The following SGCG variants were observed in gnomAD, a reference collection of about 807,000 sequenced individuals.
SGCG encodes gamma-sarcoglycan.
A neutral mutation model predicts 29.3 loss-of-function variants in SGCG; 26 were observed. The ratio of observed to expected loss-of-function variants is 0.89; its 90% CI spans 0.65 to 1.23. SGCG has a LOEUF of 1.23. SGCG is among the 50% of genes most tolerant of loss of function. The probability of loss-of-function intolerance (pLI) is 0.00; values close to 1 mark genes in which losing one functional copy is unlikely to be tolerated. For synonymous variants in SGCG, 145 were observed against 129.7 expected (o/e 1.12, Z -0.80); for missense variants, 353 against 356.0 (o/e 0.99, Z 0.07).
At chr13:23,275,146 A>ATATATCTATATATATATATAT (rs1881024464) in intron 4 of SGCG, among the ~76,000 whole-genome samples, 1 of 68,684 alleles carries the variant, frequency 1.5e-5, no homozygotes, top group Non-Finnish European at 3.7e-5. Flanking sequence ...TATATATAGA[A>ATATATCTATATATATATATAT]ATGAGGACGT....
At chr13:23,258,807 T>C (rs1880305687) in intron 4 of SGCG, among the ~76,000 whole-genome samples, 1 of 152,228 alleles carries the variant, frequency 6.6e-6, no homozygotes, top group Non-Finnish European at 1.5e-5. Context: ...GAGATAATCA[T>C]GTGGTTTTTG....
intron 5 of SGCG, among the ~76,000 whole-genome samples, chr13:23,288,054 A>AT (rs1881566053): frequency 6.6e-6 from 1 of 152,172 alleles, no homozygotes; most frequent in Admixed American, 6.5e-5. Flanking sequence ...CGCCCAGCCA[A>AT]TAAGAATGTT....
intron 2 of SGCG, among the ~76,000 whole-genome samples, chr13:23,232,370 G>A (rs572192805): frequency 3.9e-5 from 6 of 152,286 alleles, no homozygotes; most frequent in South Asian, 4.1e-4. Flanking sequence ...TCAGTTCAGG[G>A]TAACATATCT....
intron 1 of SGCG, among the ~76,000 whole-genome samples, chr13:23,190,291 G>A (rs1200365559): frequency 1.3e-5 from 2 of 152,106 alleles, no homozygotes; most frequent in African/African-American, 2.4e-5. Context: ...AGTAACGTCT[G>A]TAGTAGTAAT....
chr13:23,230,079 G>A (rs1003952355), intron 2 of SGCG, among the ~76,000 whole-genome samples: 5 of 152,162 alleles, frequency 3.3e-5, no homozygotes, highest in African/African-American at 1.2e-4. Flanking sequence ...CTTTGTCAAA[G>A]ATCAGATGGC....
chr13:23,274,384 T>C (rs1379594638), intron 4 of SGCG, among the ~76,000 whole-genome samples: 2 of 143,584 alleles, frequency 1.4e-5, no homozygotes, highest in Admixed American at 7.2e-5. Flanking sequence ...TGTTTTTCTT[T>C]CTTTCTTTCT....
At chr13:23,181,176 A>G (rs1384253884) in intron 1 of SGCG, 101 bp downstream of exon 1, 2 of 152,228 alleles carry the variant, frequency 1.3e-5, no homozygotes, top group African/African-American at 4.8e-5. Flanking sequence ...CTTTGGTGGC[A>G]TAATAATAAA....
chr13:23,162,389 C>T, the SGCG span, among the ~76,000 whole-genome samples: 1 of 152,088 alleles, frequency 6.6e-6, no homozygotes. Flanking sequence ...CCGAGGTGGG[C>T]GGATCACGAG....
At position 23,324,709 on chromosome 13, in the gene SGCG, A is replaced by G. The variant is rs892267023; in HGVS notation, c.*168A>G. On this transcript the variant is annotated 3_prime_UTR_variant, in exon 8 of 8. Coordinates refer to ENST00000218867, the MANE Select transcript of SGCG (RefSeq NM_000231.3). The stretch of plus-strand genomic sequence containing the variant: ...GTGAAAGTGTTTGGACAAAAACTAC[A>G]TGATCTCAAAATGCACGTGGATGTG... 12 of 658,670 alleles carry G rather than the reference A, an allele frequency of 1.8e-5. No individual in the cohort carries two copies. The highest frequency in any genetic ancestry group is 2.4e-5 in the Non-Finnish European group (9 of 368,350). 40.8% of individuals were successfully genotyped at this position (658,670 alleles called of 1,614,324 possible). A position where few individuals can be genotyped will look rare whatever the true frequency, so the allele number is the denominator to read the frequency against.
At chr13:23,277,803 A>G (rs1231106121) in intron 4 of SGCG, among the ~76,000 whole-genome samples, 11 of 145,030 alleles carry the variant, frequency 7.6e-5, no homozygotes, top group Non-Finnish European at 1.6e-4. Flanking sequence ...GGTTCATGCC[A>G]TTCTCCCGCC....
the SGCG span, among the ~76,000 whole-genome samples, chr13:23,167,915 T>G: frequency 4.6e-5 from 7 of 152,120 alleles, no homozygotes; most frequent in African/African-American, 1.7e-4. Context: ...GTATTTTTAG[T>G]AGAGACGAGG....
chr13:23,213,197 G>C (rs1273421198), intron 2 of SGCG, among the ~76,000 whole-genome samples: 2 of 152,124 alleles, frequency 1.3e-5, no homozygotes, highest in Non-Finnish European at 2.9e-5. Flanking sequence ...AGACAACAGG[G>C]GGCGTGGTGA....
At chr13:23,280,356 A>G (rs1243995553) in intron 5 of SGCG, among the ~76,000 whole-genome samples, 1 of 152,220 alleles carries the variant, frequency 6.6e-6, no homozygotes, top group Non-Finnish European at 1.5e-5. Flanking sequence ...GTGAAAACCA[A>G]TAGCAATGTT....
Position 23,228,713 on chromosome 13 carries a change from T to C in SGCG, c.196-5898T>C, listed in dbSNP as rs373458003. Among the ~76,000 whole-genome samples the C allele has an allele frequency of 9.1e-4, 139 of 152,338 alleles. 1 individual carries two copies. Among genetic ancestry groups the C allele is most frequent in the Middle Eastern group, 3.4e-3 (1 of 294 alleles). ...TAGCTCCCACTTATAAGTGAGAGCA[T>C]GCAGTATTTGTTCTTCTGTTCCTGT... On this transcript the variant is annotated intron_variant, in intron 2 of 7. Coordinates refer to ENST00000218867, the MANE Select transcript of SGCG (RefSeq NM_000231.3).
At chr13:23,245,734 G>GT (rs1335640868) in intron 3 of SGCG, 2 of 152,168 alleles carry the variant, frequency 1.3e-5, no homozygotes, top group Non-Finnish European at 2.9e-5. Flanking sequence ...AACCAAAGTA[G>GT]TCATTTGTGA....
chr13:23,187,182 G>C (rs940664214), intron 1 of SGCG, among the ~76,000 whole-genome samples: 2 of 152,170 alleles, frequency 1.3e-5, no homozygotes, highest in African/African-American at 4.8e-5. Flanking sequence ...TGGAGTGGAT[G>C]GTGATGGGCC....
At chr13:23,225,054 G>A (rs1878844282) in intron 2 of SGCG, among the ~76,000 whole-genome samples, 2 of 152,130 alleles carry the variant, frequency 1.3e-5, no homozygotes, top group Admixed American at 1.3e-4. Context: ...ATCAGTGTCT[G>A]CACTTCAACT....
intron 1 of SGCG, among the ~76,000 whole-genome samples, chr13:23,193,455 G>A (rs552661595): frequency 3.9e-5 from 6 of 152,312 alleles, no homozygotes; most frequent in Admixed American, 2.0e-4. Context: ...TGCAGATGGG[G>A]AAGCCAGGAT....
At chr13:23,258,408 A>T (rs912484924) in intron 4 of SGCG, among the ~76,000 whole-genome samples, 30 of 151,930 alleles carry the variant, frequency 2.0e-4, no homozygotes, top group African/African-American at 7.0e-4. Context: ...GTATCCTGAG[A>T]CATTGCTGAA....
Sources: allele counts gnomAD v4.1 joint callset (sites outside exome capture counted in the v4.1 genomes callset), GRCh38; gene constraint gnomAD v4.1.1; transcripts MANE v1.5; gene names NCBI Gene and HGNC (gene_info 2026-07-23, HGNC 2026-07-21).